Variants in A2M observed in about 807,000 individuals in gnomAD.
The protein encoded by A2M is C3 and PZP-like alpha-2-macroglobulin domain-containing protein 5.
In A2M, 128 loss-of-function variants were observed where a neutral mutation model predicts 183.9. The ratio of observed to expected loss-of-function variants is 0.70; its 90% CI spans 0.60 to 0.81. The LOEUF is 0.81. Ranked by LOEUF, A2M falls within the 30% of genes least tolerant of loss-of-function variation. A2M has a pLI of 0.00. For synonymous variants in A2M, 592 were observed against 670.8 expected (o/e 0.88, Z 1.81); for missense variants, 1,495 against 1,787.6 (o/e 0.84, Z 2.95).
Position 9,107,509 on chromosome 12 carries a change from T to A in A2M, c.879+15A>T, listed in dbSNP as rs768782624. 2.4e-5 allele frequency: 38 copies of A among 1,613,208 alleles called. No individual in the cohort carries two copies. The highest frequency in any genetic ancestry group is 3.0e-5 in the Non-Finnish European group (35 of 1,179,512). The stretch of plus-strand genomic sequence containing the variant: ...CTTTATCGCTATTCTCTAGAAAAAA[T>A]AGTGTTCAACCTACCTGTCCACTGA... On this transcript the variant is annotated intron_variant, in intron 8 of 35. Transcript: ENST00000318602.
intron 31 of A2M, 117 bp downstream of exon 31, chr12:9,072,242 G>A: frequency 8.4e-7 from 1 of 1,194,490 alleles, no homozygotes; most frequent in Non-Finnish European, 1.2e-6. Flanking sequence ...AGAATACATT[G>A]CATTTTTTGT....
chr12:9,113,455 T>G lies in A2M; in HGVS notation c.175A>C (p.Thr59Pro). The change falls in exon 2 of 36, where the codon ACT becomes CCT. Residue 59 changes from threonine (T) to proline (P), a missense_variant. Thr to Pro is a conservative substitution (Grantham distance 38). Coordinates refer to ENST00000318602, the MANE Select transcript of A2M (RefSeq NM_000014.6). ...VLLSYLNETV[T>P]VSASLESVRG... ...ACAGACTCCAAGGAAGCACTTACAG[T>G]CACTGTCTCATTCAGGTAGCTCAGA... 6.2e-7 allele frequency: 1 copy of G among 1,613,882 alleles called. No individual in the cohort carries two copies. The highest frequency in any genetic ancestry group is 8.5e-7 in the Non-Finnish European group (1 of 1,179,950).
chr12:9,079,226 A>C lies in A2M; in HGVS notation c.3119+18T>G, dbSNP rs563857018. On this transcript the variant is annotated intron_variant, in intron 25 of 35. Coordinates refer to ENST00000318602, the MANE Select transcript of A2M (RefSeq NM_000014.6). ...GCTGGCACACAAAAAGAAGCTCAAA[A>C]AATTGTTCTTTCCTTACCAGGTGTT... is the stretch of plus-strand genomic sequence containing the variant. The C allele has an allele frequency of 5.6e-6, 9 of 1,607,912 alleles. No individual in the cohort carries two copies. Among genetic ancestry groups the C allele is most frequent in the Non-Finnish European group, 6.8e-6 (8 of 1,176,252 alleles).
intron 7 of A2M, among the ~76,000 whole-genome samples, chr12:9,108,017 A>G (rs1367936256): frequency 6.6e-6 from 1 of 152,206 alleles, no homozygotes; most frequent in Non-Finnish European, 1.5e-5. Context: ...TCTACCTAGG[A>G]ATACAAACTA....
intron 28 of A2M, among the ~76,000 whole-genome samples, 182 bp from the exon 29 acceptor site, chr12:9,074,965 A>C (rs187614245): frequency 2.0e-5 from 3 of 152,324 alleles, no homozygotes; most frequent in African/African-American, 7.2e-5. Context: ...GCTAAGGCAG[A>C]TATTGATGCT....
chr12:9,107,684 T>C (rs226388), intron 7 of A2M, 40 bp from the exon 8 acceptor site: 790,028 of 1,602,942 alleles, frequency 0.49, 202,512 homozygotes, highest in African/African-American at 0.76. Context: ...GAGCAGACAC[T>C]GAACCTCCCC....
At position 9,079,620 on chromosome 12, in the gene A2M, T is replaced by G; in HGVS notation, c.3031+19A>C. On this transcript the variant is annotated intron_variant, in intron 24 of 35. Transcript: ENST00000318602. ...TTGAAATAACATTCAAGTTTTCCCT[T>G]ACTCAAGTAATCACTCACCAGTGTT... 1.9e-6 allele frequency: 3 copies of G among 1,604,902 alleles called. No individual in the cohort carries two copies. The highest frequency in any genetic ancestry group is 2.6e-6 in the Non-Finnish European group (3 of 1,175,192).
chr12:9,112,851 T>C (rs1294000871), intron 2 of A2M, among the ~76,000 whole-genome samples: 2 of 152,196 alleles, frequency 1.3e-5, no homozygotes, highest in Non-Finnish European at 2.9e-5. Flanking sequence ...TAAAAGGGCA[T>C]GGTCGAAGCA....
At chr12:9,078,264 T>G (rs1351996658) in intron 25 of A2M, among the ~76,000 whole-genome samples, 1 of 127,086 alleles carries the variant, frequency 7.9e-6, no homozygotes, top group Non-Finnish European at 1.6e-5. Flanking sequence ...ATTGCTTAAC[T>G]CCCACTTATG....
chr12:9,092,408 C>A (rs1297179357), intron 18 of A2M, among the ~76,000 whole-genome samples: 1 of 152,018 alleles, frequency 6.6e-6, no homozygotes, highest in South Asian at 2.1e-4. Context: ...CAGTGGCTAC[C>A]CGCCCCCACC....
intron 15 of A2M, 110 bp downstream of exon 15, chr12:9,098,497 C>A: frequency 8.1e-7 from 1 of 1,229,960 alleles, no homozygotes; most frequent in Non-Finnish European, 1.1e-6. Flanking sequence ...GCAATTAATT[C>A]CTAGATAAAT....
chr12:9,102,255 G>A (rs758303970), intron 11 of A2M, among the ~76,000 whole-genome samples: 9 of 152,036 alleles, frequency 5.9e-5, no homozygotes, highest in Non-Finnish European at 1.0e-4. Context: ...TTGCTCTGGC[G>A]CCCATGCTGG....
rs193012472 is a variant in A2M, at chr12:9,072,563, A to T, written c.3976-77T>A. ...GTCCACGTCCCTAACCCTTTCTCTG[A>T]TCTGTCCCATTGTTTTCTGAGTTAG... On this transcript the variant is annotated intron_variant, in intron 30 of 35. Transcript: ENST00000318602. 42 of 1,599,952 alleles carry T rather than the reference A, an allele frequency of 2.6e-5. No homozygotes were observed. The East Asian group carries it at 9.2e-4, about 35-fold the overall frequency.
rs1426950065 is a variant in A2M at position 9,098,601 on chromosome 12, A to T, written c.1851+6T>A. ...TTCTTGATTCCTGAGGCTGCCAGGAACTCACCGAGGACGCCGAGAGCTCAG... is the reference window on the plus strand; with the variant it reads ...TTCTTGATTCCTGAGGCTGCCAGGATCTCACCGAGGACGCCGAGAGCTCAG... On this transcript the variant is annotated splice_donor_region_variant and intron_variant, in intron 15 of 35. Transcript: ENST00000318602. The T allele has an allele frequency of 1.9e-6, 3 of 1,592,222 alleles. No individual in the cohort carries two copies. In the African/African-American group the frequency reaches 4.0e-5, roughly 21 times the overall value.
chr12:9,115,719 G>A, intron 1 of A2M, 45 bp downstream of exon 1: 1 of 1,440,476 alleles, frequency 6.9e-7, no homozygotes, highest in Non-Finnish European at 9.8e-7. Context: ...TGCAATAAAT[G>A]AAGGACTCTA....
chr12:9,101,553 G>A lies in A2M; in HGVS notation c.1388C>T (p.Pro463Leu). ...SPSKSFVHLE[P>L]MSHELPCGHT... ...GCCACAGGGTAGTTCATGAGACATG[G>A]GCTCAAGGTGGACAAAGCTCTTGCT... Residue 463 changes from proline (P) to leucine (L), a missense_variant, in exon 12 of 36, where the codon CCC becomes CTC. Coordinates refer to ENST00000318602, the MANE Select transcript of A2M (RefSeq NM_000014.6). 1 of 1,613,944 alleles carries A rather than the reference G, an allele frequency of 6.2e-7. No homozygotes were observed. The highest frequency in any genetic ancestry group is 8.5e-7 in the Non-Finnish European group (1 of 1,179,876).
chr12:9,076,851 G>T lies in A2M; in HGVS notation c.3437C>A (p.Thr1146Asn), dbSNP rs767137343. The T allele has an allele frequency of 1.1e-4, 183 of 1,613,970 alleles. 4 individuals carry two copies. In the South Asian group the frequency reaches 1.9e-3, roughly 17 times the overall value. ...QEGDHGSHVY[T>N]KALLAYAFAL... ...AAAAGCATAGGCCAGCAGTGCTTTG[G>T]TATATACATGGCTGCCATGGTCCCC... The change falls in exon 28 of 36, where the codon ACC becomes AAC. Residue 1146 changes from threonine to asparagine, a missense_variant. By Grantham distance (65) the Thr-to-Asn change is moderately conservative (BLOSUM62 0). Coordinates refer to ENST00000318602, the MANE Select transcript of A2M (RefSeq NM_000014.6).
At chr12:9,103,489 ATATC>A (rs1938049092) in intron 11 of A2M, among the ~76,000 whole-genome samples, 1 of 152,222 alleles carries the variant, frequency 6.6e-6, no homozygotes, top group Admixed American at 6.5e-5. Context: ...AGTATTAAGT[ATATC>A]TGTTGTGCAA....
chr12:9,093,809 C>T (rs1949285359), intron 17 of A2M, among the ~76,000 whole-genome samples: 1 of 147,696 alleles, frequency 6.8e-6, no homozygotes, highest in Non-Finnish European at 1.5e-5. Context: ...GCCTGTAATC[C>T]CAGCACTTTG....
Sources: gnomAD v4.1 joint callset for allele counts (sites outside exome capture counted in the v4.1 genomes callset) on GRCh38, gnomAD v4.1.1 for gene constraint, MANE v1.5 for transcripts, NCBI Gene and HGNC (gene_info 2026-07-23, HGNC 2026-07-21) for gene names.